PCNX1: variants seen among roughly 807,000 people sequenced by gnomAD.
The protein encoded by PCNX1 is pecanex-like protein 1.
Under a neutral mutation model 242.2 loss-of-function variants are expected in PCNX1, and 78 were observed. That is an observed-to-expected ratio of 0.32 (90% CI 0.27 to 0.39). The LOEUF (loss-of-function observed/expected upper bound fraction) is 0.39, where lower values mean the gene tolerates loss of function less well. Among genes scored for constraint, PCNX1 ranks in the 10% least tolerant of loss-of-function variants. The probability of loss-of-function intolerance (pLI) is 1.00; values close to 1 mark genes in which losing one functional copy is unlikely to be tolerated. For missense variants in PCNX1, 2,581 were observed against 2,856.5 expected, an observed-to-expected ratio of 0.90 and a Z score of 2.20; for synonymous variants, 1,024 against 1,032.9, an observed-to-expected ratio of 0.99 and a Z score of 0.17.
chr14:70,908,057 A>C, intron 1 of PCNX1, 54 bp downstream of exon 1: 10 of 1,487,712 alleles, frequency 6.7e-6, no homozygotes, highest in Non-Finnish European at 9.0e-6. Context: ...CGGTGGGGAG[A>C]TGCTGGGGTC....
At chr14:71,019,751 A>G (rs2060049883) in intron 12 of PCNX1, among the ~76,000 whole-genome samples, 1 of 150,920 alleles carries the variant, frequency 6.6e-6, no homozygotes, top group Non-Finnish European at 1.5e-5. Flanking sequence ...TTTTTTTTTT[A>G]ATAGTAGTAG....
intron 30 of PCNX1, chr14:71,093,036 T>TAGAG (rs2062177356): frequency 6.6e-6 from 1 of 152,208 alleles, no homozygotes; most frequent in Non-Finnish European, 1.5e-5. Flanking sequence ...ATAACATCTC[T>TAGAG]AATTCAGCCT....
intron 1 of PCNX1, among the ~76,000 whole-genome samples, chr14:70,924,427 G>T (rs2056507862): frequency 6.6e-6 from 1 of 152,058 alleles, no homozygotes; most frequent in East Asian, 1.9e-4. Context: ...GTCACAACCA[G>T]TGAGCCAATA....
rs368089719 is a variant in PCNX1, at chr14:71,018,551, A to G, written c.2997-458A>G. Among the ~76,000 whole-genome samples the G allele has an allele frequency of 3.6e-3, 552 of 152,286 alleles. 1 individual carries two copies. Among genetic ancestry groups the G allele is most frequent in the African/African-American group, 0.013 (533 of 41,562 alleles). ...CTGAGAGATGGGGGAAGCGAAATCA[A>G]TTAGTGCCAGAATTTTGTTACTATT... On this transcript the variant is annotated intron_variant, in intron 11 of 35. Coordinates refer to ENST00000304743, the MANE Select transcript of PCNX1 (RefSeq NM_014982.3).
rs767319145 is a variant in PCNX1, at chr14:70,978,103, C to G, written c.1766C>G (p.Thr589Ser). The G allele has an allele frequency of 1.2e-6, 2 of 1,613,990 alleles. No homozygotes were observed. The highest frequency in any genetic ancestry group is 1.7e-5 in the Admixed American group (1 of 59,990). The change falls in exon 6 of 36, where the codon ACC becomes AGC. Residue 589 changes from threonine (T) to serine (S), a missense_variant. Physicochemically the swap from Thr to Ser is moderately conservative, Grantham distance 58. Coordinates refer to ENST00000304743, the MANE Select transcript of PCNX1 (RefSeq NM_014982.3). ...DYVCFRGVSG[T>S]KPHSAIFCHD... ...GTTTGCTTTCGAGGTGTTTCTGGTACCAAGCCACACAGTGCTATATTTTGT... is the reference window on the plus strand; with the variant it reads ...GTTTGCTTTCGAGGTGTTTCTGGTAGCAAGCCACACAGTGCTATATTTTGT...
chr14:70,949,203 ATATACACATGTATAT>A (rs2057632484), intron 2 of PCNX1, among the ~76,000 whole-genome samples: 10 of 135,338 alleles, frequency 7.4e-5, no homozygotes, highest in Admixed American at 2.2e-4. Flanking sequence ...CATAGTGTGT[ATATACACATGTATAT>A]ATAGATATAT....
At chr14:70,998,255 G>A (rs1419378132) in intron 8 of PCNX1, among the ~76,000 whole-genome samples, 3 of 151,878 alleles carry the variant, frequency 2.0e-5, no homozygotes, top group Admixed American at 6.6e-5. Flanking sequence ...ACTAAACCCC[G>A]AGAATCCTTA....
rs371202766 is a variant in PCNX1 at position 70,919,292 on chromosome 14, C to T, written c.153+11289C>T. On this transcript the variant is annotated intron_variant, in intron 1 of 35. Transcript: ENST00000304743. ...TTTTTTAAATTTCAACTTTTTTAGT[C>T]CAAATTAAGGATGCATACTGCACTA... 3.5e-3 allele frequency among the ~76,000 whole-genome samples: 539 copies of T among 152,178 alleles called. 1 individual carries two copies. The highest frequency in any genetic ancestry group is 0.013 in the African/African-American group (523 of 41,518).
At chr14:71,079,376 G>T (rs2061794783) in intron 28 of PCNX1, among the ~76,000 whole-genome samples, 1 of 152,064 alleles carries the variant, frequency 6.6e-6, no homozygotes, top group South Asian at 2.1e-4. Flanking sequence ...GGGATTGCTG[G>T]GTCAAATGGC....
chr14:70,979,242 A>G (rs2058767886), intron 6 of PCNX1, among the ~76,000 whole-genome samples: 1 of 152,100 alleles, frequency 6.6e-6, no homozygotes. Context: ...CTTAAAGTTT[A>G]TTAAATTCAG....
At chr14:70,987,486 T>C (rs2059033156) in intron 6 of PCNX1, among the ~76,000 whole-genome samples, 1 of 152,230 alleles carries the variant, frequency 6.6e-6, no homozygotes, top group African/African-American at 2.4e-5. Context: ...ATATAATTTT[T>C]GTATACATGG....
intron 11 of PCNX1, among the ~76,000 whole-genome samples, chr14:71,017,459 C>A (rs2059989167): frequency 6.6e-6 from 1 of 151,866 alleles, no homozygotes; most frequent in Non-Finnish European, 1.5e-5. Context: ...ATTTCAAAAA[C>A]AAAAATAAAG....
intron 8 of PCNX1, among the ~76,000 whole-genome samples, chr14:70,997,736 A>G (rs377248203): frequency 1.3e-5 from 2 of 152,196 alleles, no homozygotes; most frequent in African/African-American, 4.8e-5. Context: ...ACCTGTTCCA[A>G]TGCCTATAAA....
intron 7 of PCNX1, among the ~76,000 whole-genome samples, chr14:70,989,162 G>A (rs1246006890): frequency 1.3e-5 from 2 of 152,068 alleles, no homozygotes; most frequent in African/African-American, 4.8e-5. Flanking sequence ...ACTAAAATAT[G>A]ATATGATTTA....
rs950291854 is a variant in PCNX1, at chr14:71,000,487, G to A, written c.2629+4562G>A. Among the ~76,000 whole-genome samples the A allele has an allele frequency of 2.6e-5, 4 of 151,070 alleles. No homozygotes were observed. In the South Asian group the frequency reaches 6.3e-4, roughly 24 times the overall value. On this transcript the variant is annotated intron_variant, in intron 8 of 35. Transcript: ENST00000304743. ...TTTTGTATCTTGCTTTTTTCACTTAGCAGTCTGAACATTTACTCATGTTAT... is the reference window on the plus strand; with the variant it reads ...TTTTGTATCTTGCTTTTTTCACTTAACAGTCTGAACATTTACTCATGTTAT...
rs755526532 is a variant in PCNX1, at chr14:71,051,931, C to T, written c.4496C>T (p.Thr1499Ile). The change falls in exon 24 of 36, where the codon ACT becomes ATT. Residue 1499 changes from threonine (T) to isoleucine (I), a missense_variant. Physicochemically the swap from Thr to Ile is moderately conservative, Grantham distance 89 (BLOSUM62 -1). This residue lies in a region of PCNX1 where 99 missense variants were observed against 147.3 expected (regional missense o/e 0.67). Transcript: ENST00000304743. ...GCTGCTGTCTCGGCCTTCTTCTCTA[C>T]TCCACTGAACCCCTTTCTGGGAAGT... Reference protein sequence around the residue: ...IQAAVSAFFSTPLNPFLGSAI... With the variant: ...IQAAVSAFFSIPLNPFLGSAI... 2 of 1,613,616 alleles carry T rather than the reference C, an allele frequency of 1.2e-6. No homozygotes were observed. Among genetic ancestry groups the T allele is most frequent in the South Asian group, 2.2e-5 (2 of 91,060 alleles).
At chr14:71,068,554 CTT>C (rs891656653) in intron 26 of PCNX1, among the ~76,000 whole-genome samples, 2 of 145,676 alleles carry the variant, frequency 1.4e-5, no homozygotes, top group Non-Finnish European at 3.0e-5. Flanking sequence ...GTCCTGGACT[CTT>C]TGGTTGGTAG....
intron 26 of PCNX1, among the ~76,000 whole-genome samples, chr14:71,059,176 C>G (rs1053640878): frequency 6.6e-6 from 1 of 152,140 alleles, no homozygotes; most frequent in African/African-American, 2.4e-5. Flanking sequence ...TCATATTGAT[C>G]AGTAGTTCTC....
At chr14:70,983,668 T>C (rs1566658441) in intron 6 of PCNX1, among the ~76,000 whole-genome samples, 1 of 151,556 alleles carries the variant, frequency 6.6e-6, no homozygotes, top group Non-Finnish European at 1.5e-5. Flanking sequence ...GCCAGTCCTT[T>C]AAAATGTTTT....
Sources: gnomAD v4.1 joint callset for allele counts (sites outside exome capture counted in the v4.1 genomes callset) on GRCh38, gnomAD v4.1.1 for gene constraint, gnomAD v4.1.1 regional missense constraint, MANE v1.5 for transcripts, NCBI Gene and HGNC (gene_info 2026-07-23, HGNC 2026-07-21) for gene names.